Variants in GRHL2 observed in about 807,000 individuals in gnomAD.
GRHL2 encodes grainyhead-like protein 2 homolog.
In GRHL2, 21 loss-of-function variants were observed where a neutral mutation model predicts 83.8. The ratio of observed to expected loss-of-function variants is 0.25; its 90% CI spans 0.18 to 0.36. The LOEUF is 0.36. GRHL2 is among the 10% of genes least tolerant of loss of function. The probability of loss-of-function intolerance (pLI) is 1.00; values close to 1 mark genes in which losing one functional copy is unlikely to be tolerated. For synonymous variants in GRHL2, 280 were observed against 278.9 expected, an observed-to-expected ratio of 1.00 and a Z score of -0.04; for missense variants, 623 against 781.8, an observed-to-expected ratio of 0.80 and a Z score of 2.42.
At chr8:101,553,925 CCAAACTCACCCACTTCTTT>C (rs1346471369) in intron 3 of GRHL2, among the ~76,000 whole-genome samples, 1 of 152,086 alleles carries the variant, frequency 6.6e-6, no homozygotes. Context: ...CGCACCTGGC[CCAAACTCACCCACTTCTTT>C]CAAACTCACC....
chr8:101,612,253 G>A (rs1052713553), intron 8 of GRHL2, among the ~76,000 whole-genome samples: 8 of 151,074 alleles, frequency 5.3e-5, no homozygotes, highest in African/African-American at 2.0e-4. Flanking sequence ...GCCTCCCAAA[G>A]TGCTGGGATT....
chr8:101,601,888 C>T (rs1812521984), intron 8 of GRHL2, among the ~76,000 whole-genome samples: 1 of 152,148 alleles, frequency 6.6e-6, no homozygotes, highest in African/African-American at 2.4e-5. Context: ...GTTTGCTGCC[C>T]CTATCAACCC....
At chr8:101,516,451 G>A (rs796251792) in intron 1 of GRHL2, among the ~76,000 whole-genome samples, 2 of 115,456 alleles carry the variant, frequency 1.7e-5, no homozygotes, top group South Asian at 5.7e-4. Context: ...GTCTCCCTCT[G>A]TGGCCAGGCT....
At chr8:101,551,896 C>T (rs1157996558) in intron 2 of GRHL2, among the ~76,000 whole-genome samples, 6 of 150,094 alleles carry the variant, frequency 4.0e-5, no homozygotes, top group Non-Finnish European at 5.9e-5. Flanking sequence ...AGTGCAGTGG[C>T]GCGATCTCGG....
At chr8:101,670,056 A>T (rs1814177904), downstream of GRHL2, among the ~76,000 whole-genome samples, 2 of 152,138 alleles carry the variant, frequency 1.3e-5, no homozygotes, top group African/African-American at 4.8e-5. Context: ...CCCGCCCTTG[A>T]ATTCCCACAA....
intron 1 of GRHL2, among the ~76,000 whole-genome samples, chr8:101,535,210 TACAA>T (rs1811020364): frequency 6.6e-6 from 1 of 152,218 alleles, no homozygotes; most frequent in African/African-American, 2.4e-5. Flanking sequence ...TAACATTTTC[TACAA>T]ACAATCTGAC....
chr8:101,552,680 G>C, intron 2 of GRHL2, 35 bp from the exon 3 acceptor site: 3 of 1,605,996 alleles, frequency 1.9e-6, no homozygotes, highest in Non-Finnish European at 2.6e-6. Context: ...GGTTGCCTCT[G>C]TGTATGTCTG....
At chr8:101,610,792 A>G (rs760293938) in intron 8 of GRHL2, among the ~76,000 whole-genome samples, 5 of 150,890 alleles carry the variant, frequency 3.3e-5, no homozygotes, top group Non-Finnish European at 5.9e-5. Flanking sequence ...TCTCGTTATA[A>G]TCGAACCCAG....
rs1430578834 is a variant in GRHL2, at chr8:101,666,747, C to G, written c.*44C>G. The G allele has an allele frequency of 9.0e-7, 1 of 1,110,336 alleles. No individual in the cohort carries two copies. The highest frequency in any genetic ancestry group is 2.3e-5 in the East Asian group (1 of 42,622). 68.8% of individuals were successfully genotyped at this position (1,110,336 alleles called of 1,614,324 possible). ...CTTTGGCTGGAGCTCTCAGTGCGTT[C>G]CTCCCTGAGAGAGACAGAAGCCCCA... is the stretch of plus-strand genomic sequence containing the variant. On this transcript the variant is annotated 3_prime_UTR_variant, in exon 16 of 16. Coordinates refer to ENST00000646743, the MANE Select transcript of GRHL2 (RefSeq NM_024915.4).
rs138377240 is a variant in GRHL2, at chr8:101,501,343, C to T, written c.20+8554C>T. The stretch of plus-strand genomic sequence containing the variant: ...GAACAGAAACGGAAAGCAAGAATTG[C>T]TTGTGGCTTCTCTTTATTTTGGCGC... On this transcript the variant is annotated intron_variant, in intron 1 of 15. Coordinates refer to ENST00000646743, the MANE Select transcript of GRHL2 (RefSeq NM_024915.4). Among the ~76,000 whole-genome samples, 10 of 152,312 alleles carry T rather than the reference C, an allele frequency of 6.6e-5. No homozygotes were observed. In the East Asian group the frequency reaches 1.7e-3, roughly 26 times the overall value.
At chr8:101,543,864 T>TA in intron 2 of GRHL2, 1 of 221,676 alleles carries the variant, frequency 4.5e-6, no homozygotes, top group Admixed American at 5.3e-5. Flanking sequence ...TAATTGGACT[T>TA]ACAGTTCCAC....
In GRHL2 at chr8:101,500,022, A is replaced by C. The variant is rs62519080; in HGVS notation, c.20+7233A>C. The stretch of plus-strand genomic sequence containing the variant: ...ACACAGGAGGTGGAGGTTGCAGTGA[A>C]CCAAGATCGCACCACTGCACTCCAG... On this transcript the variant is annotated intron_variant, in intron 1 of 15. Coordinates refer to ENST00000646743, the MANE Select transcript of GRHL2 (RefSeq NM_024915.4). 2.0e-3 allele frequency among the ~76,000 whole-genome samples: 309 copies of C among 152,076 alleles called. 1 individual carries two copies. The highest frequency in any genetic ancestry group is 3.7e-3 in the Non-Finnish European group (253 of 67,956).
chr8:101,609,442 G>A (rs4588817), intron 8 of GRHL2, among the ~76,000 whole-genome samples: 75,233 of 150,610 alleles, frequency 0.5, 21,130 homozygotes, highest in African/African-American at 0.71. Flanking sequence ...TCTGATGCAC[G>A]CTAAATTAGG....
intron 14 of GRHL2, among the ~76,000 whole-genome samples, chr8:101,653,160 A>AAAC (rs752897662): frequency 3.3e-5 from 5 of 152,148 alleles, no homozygotes; most frequent in Non-Finnish European, 5.9e-5. Context: ...GCCCCACATT[A>AAAC]AACAAAGTCT....
intron 7 of GRHL2, among the ~76,000 whole-genome samples, chr8:101,585,938 T>A (rs1812154881): frequency 6.6e-6 from 1 of 152,042 alleles, no homozygotes. Context: ...ATGGGGGTGG[T>A]CCTCGGGCTC....
chr8:101,568,815 T>C (rs990589736), intron 4 of GRHL2, among the ~76,000 whole-genome samples: 4 of 152,138 alleles, frequency 2.6e-5, no homozygotes, highest in Non-Finnish European at 4.4e-5. Flanking sequence ...CAACAATTAT[T>C]TGGGCAATGT....
intron 7 of GRHL2, among the ~76,000 whole-genome samples, chr8:101,583,338 T>C (rs114578036): frequency 1.8e-3 from 271 of 152,330 alleles, no homozygotes; most frequent in African/African-American, 5.4e-3. Flanking sequence ...AAATACAAAG[T>C]TAACCCAGGA....
At chr8:101,590,126 A>G (rs1480353808) in intron 7 of GRHL2, among the ~76,000 whole-genome samples, 2 of 152,208 alleles carry the variant, frequency 1.3e-5, no homozygotes, top group Non-Finnish European at 2.9e-5. Context: ...TTATTTGCTC[A>G]TGGACCAGTA....
intron 5 of GRHL2, among the ~76,000 whole-genome samples, chr8:101,571,912 T>C (rs923601910): frequency 3.9e-5 from 6 of 152,110 alleles, no homozygotes; most frequent in Admixed American, 3.3e-4. Flanking sequence ...GCCAGGCCAG[T>C]GGGAAGAGCA....
Sources: allele counts gnomAD v4.1 joint callset (sites outside exome capture counted in the v4.1 genomes callset), GRCh38; gene constraint gnomAD v4.1.1; transcripts MANE v1.5; gene names NCBI Gene and HGNC (gene_info 2026-07-23, HGNC 2026-07-21).